GPBP1: variants seen among roughly 807,000 people sequenced by gnomAD.
GPBP1 encodes vasculin.
In GPBP1, 13 loss-of-function variants were observed where a neutral mutation model predicts 56.5. The observed-to-expected ratio is 0.23, with a 90% confidence interval of 0.15 to 0.37. GPBP1 has a LOEUF of 0.37. Among genes scored for constraint, GPBP1 ranks in the 10% least tolerant of loss-of-function variants. The pLI is 1.00. For synonymous variants in GPBP1, 204 were observed against 188.9 expected (o/e 1.08, Z -0.66); for missense variants, 477 against 572.3 (o/e 0.83, Z 1.70).
At chr5:57,185,740 C>G (rs1416188222) in intron 2 of GPBP1, among the ~76,000 whole-genome samples, 5 of 152,074 alleles carry the variant, frequency 3.3e-5, no homozygotes, top group Non-Finnish European at 5.9e-5. Flanking sequence ...TGCCTCATGT[C>G]TGTAATGCCA....
chr5:57,205,157 A>G (rs1755177142), intron 2 of GPBP1, among the ~76,000 whole-genome samples: 1 of 152,064 alleles, frequency 6.6e-6, no homozygotes. Flanking sequence ...TTTTTTCTCT[A>G]TGAATTTACC....
rs1273641731 is a variant in GPBP1 at position 57,176,059 on chromosome 5, C to T, written c.-399C>T. On this transcript the variant is annotated 5_prime_UTR_variant, in exon 2 of 12. Transcript: ENST00000506184. ...GTATATGCTGATGTTTAGGAATGCT[C>T]TTCAGATGTGAAATTTTCTTTTTGT... 1.8e-5 allele frequency: 7 copies of T among 398,348 alleles called. No homozygotes were observed. Among genetic ancestry groups the T allele is most frequent in the Non-Finnish European group, 2.2e-5 (5 of 226,016 alleles). The allele number at this position is 398,348 out of a possible 1,614,324, so 24.7% of individuals were successfully genotyped here.
chr5:57,204,135 G>A (rs904078487), intron 2 of GPBP1, among the ~76,000 whole-genome samples: 1 of 152,120 alleles, frequency 6.6e-6, no homozygotes, highest in Admixed American at 6.6e-5. Context: ...ATAAAGTTTC[G>A]TTAATTATGT....
chr5:57,215,832 T>C (rs1755676920), intron 3 of GPBP1, among the ~76,000 whole-genome samples: 1 of 147,936 alleles, frequency 6.8e-6, no homozygotes, highest in Admixed American at 6.9e-5. Flanking sequence ...TTTTCCAGTG[T>C]GAAACTACTT....
chr5:57,244,473 C>A (rs1445779761), intron 6 of GPBP1, among the ~76,000 whole-genome samples: 1 of 152,098 alleles, frequency 6.6e-6, no homozygotes, highest in Non-Finnish European at 1.5e-5. Context: ...TAGAACTGCC[C>A]CCTGCTTTAA....
At chr5:57,218,486 A>C (rs1755793703) in intron 3 of GPBP1, among the ~76,000 whole-genome samples, 1 of 152,146 alleles carries the variant, frequency 6.6e-6, no homozygotes. Flanking sequence ...TGGTGTGTGG[A>C]GCTTCCATGC....
At position 57,214,184 on chromosome 5, in the gene GPBP1, A is replaced by G. The variant is rs1452889149; in HGVS notation, c.54A>G (p.Ser18=). The G allele has an allele frequency of 6.8e-6, 11 of 1,612,586 alleles. No individual in the cohort carries two copies. The highest frequency in any genetic ancestry group is 1.3e-5 in the African/African-American group (1 of 75,014). The change falls in exon 3 of 12, where the codon TCA becomes TCG. Residue 18 remains serine (S), a synonymous_variant. Coordinates refer to ENST00000506184, the MANE Select transcript of GPBP1 (RefSeq NM_022913.4). ...GGCTTAATTTCCCTACTCCACCATC[A>G]TCAACAAAGGTACTCTTTCTGCATC... The part of the protein sequence containing the change: ...PAWLNFPTPP[S]STKSSLNFEK...
chr5:57,208,800 G>T (rs1027897107), intron 2 of GPBP1, among the ~76,000 whole-genome samples: 5 of 151,772 alleles, frequency 3.3e-5, no homozygotes, highest in Non-Finnish European at 5.9e-5. Context: ...GGGATTACAG[G>T]TGCCTGCCTC....
intron 3 of GPBP1, among the ~76,000 whole-genome samples, chr5:57,220,915 C>G (rs1415913814): frequency 6.6e-6 from 1 of 151,714 alleles, no homozygotes; most frequent in Non-Finnish European, 1.5e-5. Flanking sequence ...TAATTAACCT[C>G]TTGTTTTCTG....
chr5:57,234,802 G>A (rs1756597070), intron 5 of GPBP1, among the ~76,000 whole-genome samples: 2 of 152,132 alleles, frequency 1.3e-5, no homozygotes, highest in South Asian at 4.1e-4. Flanking sequence ...CCAGGTGACA[G>A]CCAGCAAGGA....
chr5:57,245,740 T>C (rs1741058878), intron 6 of GPBP1: 1 of 152,224 alleles, frequency 6.6e-6, no homozygotes, highest in South Asian at 2.1e-4. Context: ...ATTCATATAA[T>C]GCTTTGAATG....
chr5:57,221,735 T>C (rs1253502197), intron 3 of GPBP1, among the ~76,000 whole-genome samples: 1 of 152,218 alleles, frequency 6.6e-6, no homozygotes, highest in Non-Finnish European at 1.5e-5. Flanking sequence ...TTAAAAAGAT[T>C]AGTATTACTG....
At chr5:57,205,582 C>CTTTT (rs56406653) in intron 2 of GPBP1, among the ~76,000 whole-genome samples, 20 of 138,202 alleles carry the variant, frequency 1.4e-4, no homozygotes, top group Admixed American at 4.3e-4. Context: ...TTTATTTCCT[C>CTTTT]TTTTTTTTTT....
At chr5:57,259,572 T>C (rs1263802690) in intron 10 of GPBP1, among the ~76,000 whole-genome samples, 1 of 152,226 alleles carries the variant, frequency 6.6e-6, no homozygotes, top group Non-Finnish European at 1.5e-5. Flanking sequence ...TTTAACCGTG[T>C]CAGTGCTGTC....
intron 9 of GPBP1, among the ~76,000 whole-genome samples, chr5:57,250,218 G>A (rs1277873953): frequency 1.3e-5 from 2 of 151,612 alleles, no homozygotes; most frequent in Non-Finnish European, 2.9e-5. Flanking sequence ...TGGCCAGACT[G>A]GTCTTGAACT....
At chr5:57,183,656 G>A (rs1754159372) in intron 2 of GPBP1, among the ~76,000 whole-genome samples, 1 of 151,898 alleles carries the variant, frequency 6.6e-6, no homozygotes, top group African/African-American at 2.4e-5. Context: ...CTCAAAAAAA[G>A]AATTACGATG....
chr5:57,210,746 G>C (rs1755441077), intron 2 of GPBP1, among the ~76,000 whole-genome samples: 1 of 152,194 alleles, frequency 6.6e-6, no homozygotes, highest in African/African-American at 2.4e-5. Context: ...GTTCAGGGTA[G>C]AGGCATCAGC....
At chr5:57,195,519 A>G (rs1437826782) in intron 2 of GPBP1, among the ~76,000 whole-genome samples, 1 of 152,112 alleles carries the variant, frequency 6.6e-6, no homozygotes, top group Non-Finnish European at 1.5e-5. Context: ...TGCAAATTAT[A>G]AAGCCTATTT....
rs575084783 is a variant in GPBP1, at chr5:57,188,004, A to G, written c.-58+11604A>G. Among the ~76,000 whole-genome samples, 4 of 152,126 alleles carry G rather than the reference A, an allele frequency of 2.6e-5. No homozygotes were observed. In the East Asian group the frequency reaches 7.7e-4, roughly 29 times the overall value. ...ATGCCTGTAATCTCAGCACTTTGGG[A>G]GGCTGAGGTGGGTGGATCACTTGAG... On this transcript the variant is annotated intron_variant, in intron 2 of 11. Transcript: ENST00000506184.
Sources: gnomAD v4.1 joint callset for allele counts (sites outside exome capture counted in the v4.1 genomes callset) on GRCh38, gnomAD v4.1.1 for gene constraint, MANE v1.5 for transcripts, NCBI Gene and HGNC (gene_info 2026-07-23, HGNC 2026-07-21) for gene names.